The following VAT1L variants were observed in gnomAD, a reference collection of about 807,000 sequenced individuals.
VAT1L encodes the protein putative NADPH-dependent quinone oxidoreductase VAT1L.
VAT1L carries 34 observed loss-of-function variants against 44.1 expected under a neutral mutation model. The ratio of observed to expected loss-of-function variants is 0.77; its 90% CI spans 0.59 to 1.03. The LOEUF (loss-of-function observed/expected upper bound fraction) is 1.03, where lower values mean the gene tolerates loss of function less well. Among genes scored for constraint, VAT1L ranks in the 50% least tolerant of loss-of-function variants. The pLI, the probability that VAT1L is intolerant of heterozygous loss-of-function variation, is 0.00. For synonymous variants in VAT1L, 253 were observed against 202.2 expected (o/e 1.25, Z -2.13); for missense variants, 615 against 538.8 (o/e 1.14, Z -1.40).
At chr16:77,903,894 G>A (rs780454559) in intron 7 of VAT1L, among the ~76,000 whole-genome samples, 17 of 151,652 alleles carry the variant, frequency 1.1e-4, no homozygotes, top group Non-Finnish European at 2.4e-4. Flanking sequence ...CCACCACCAC[G>A]CCCAGCTAAT....
intron 7 of VAT1L, among the ~76,000 whole-genome samples, chr16:77,958,863 CT>C (rs1361658075): frequency 6.6e-6 from 1 of 152,192 alleles, no homozygotes; most frequent in Non-Finnish European, 1.5e-5. Context: ...AGTGTTCCTA[CT>C]AATAGCCCCT....
intron 3 of VAT1L, among the ~76,000 whole-genome samples, chr16:77,833,795 G>C (rs1391284673): frequency 6.6e-6 from 1 of 151,406 alleles, no homozygotes; most frequent in Non-Finnish European, 1.5e-5. Flanking sequence ...AGTGGGAATA[G>C]GCTTTCATGA....
At chr16:77,799,472 G>C (rs930227193) in intron 1 of VAT1L, among the ~76,000 whole-genome samples, 7 of 151,296 alleles carry the variant, frequency 4.6e-5, no homozygotes, top group African/African-American at 9.7e-5. Flanking sequence ...AAGAAGGTAA[G>C]CATCATGTCT....
intron 7 of VAT1L, among the ~76,000 whole-genome samples, chr16:77,891,923 T>C (rs2017270547): frequency 6.6e-6 from 1 of 152,056 alleles, no homozygotes; most frequent in African/African-American, 2.4e-5. Context: ...ATACAAAAAA[T>C]TAGCCCGGCA....
chr16:77,938,843 A>G (rs1597109373), intron 7 of VAT1L, among the ~76,000 whole-genome samples: 1 of 152,182 alleles, frequency 6.6e-6, no homozygotes, highest in Non-Finnish European at 1.5e-5. Flanking sequence ...TAAGCAATAA[A>G]CACAACAAAT....
intron 7 of VAT1L, among the ~76,000 whole-genome samples, chr16:77,901,864 C>A (rs2017387230): frequency 6.6e-6 from 1 of 152,150 alleles, no homozygotes; most frequent in African/African-American, 2.4e-5. Context: ...ATTTCAAGAA[C>A]AACTGTCAGT....
intron 7 of VAT1L, among the ~76,000 whole-genome samples, chr16:77,899,027 T>G (rs1379021776): frequency 1.3e-5 from 2 of 152,138 alleles, no homozygotes; most frequent in Admixed American, 6.5e-5. Flanking sequence ...CATGGACAAA[T>G]GACAAAGGAG....
chr16:77,900,915 A>G (rs17704372), intron 7 of VAT1L, among the ~76,000 whole-genome samples: 27,246 of 151,862 alleles, frequency 0.18, 2,833 homozygotes, highest in South Asian at 0.26. Flanking sequence ...GCATGTTATG[A>G]TGCTTTTCTA....
chr16:77,919,013 A>C (rs2017582147), intron 7 of VAT1L, among the ~76,000 whole-genome samples: 1 of 152,208 alleles, frequency 6.6e-6, no homozygotes, highest in Admixed American at 6.5e-5. Context: ...GTGGCTATGT[A>C]AACAGTGCTG....
chr16:77,972,194 C>G (rs1170735607), intron 8 of VAT1L, among the ~76,000 whole-genome samples: 1 of 152,198 alleles, frequency 6.6e-6, no homozygotes, highest in African/African-American at 2.4e-5. Context: ...AACAACAGAC[C>G]TGTCTATTAC....
chr16:77,892,861 C>T (rs1597086274), intron 7 of VAT1L: 2 of 1,036,496 alleles, frequency 1.9e-6, no homozygotes. Flanking sequence ...GCTTTGGGTC[C>T]AGGAATGGCA....
intron 3 of VAT1L, among the ~76,000 whole-genome samples, chr16:77,835,906 C>G (rs1283016144): frequency 6.6e-6 from 1 of 151,986 alleles, no homozygotes; most frequent in Non-Finnish European, 1.5e-5. Flanking sequence ...TCATTTAACC[C>G]TCCTAAAATC....
intron 1 of VAT1L, among the ~76,000 whole-genome samples, chr16:77,806,967 C>G (rs2016171800): frequency 6.6e-6 from 1 of 152,166 alleles, no homozygotes; most frequent in South Asian, 2.1e-4. Flanking sequence ...CTAAGGGATA[C>G]TTTCTGTGAG....
intron 8 of VAT1L, among the ~76,000 whole-genome samples, chr16:77,972,716 G>T (rs1231253936): frequency 6.6e-6 from 1 of 152,062 alleles, no homozygotes; most frequent in Admixed American, 6.6e-5. Context: ...GGGAGGCAGA[G>T]ATTGCAGTAA....
chr16:77,840,192 G>A (rs1254559654), intron 3 of VAT1L, among the ~76,000 whole-genome samples: 5 of 152,208 alleles, frequency 3.3e-5, no homozygotes, highest in Admixed American at 2.0e-4. Context: ...GAGATAAGAG[G>A]TAACAGAATC....
At chr16:77,930,241 C>A (rs1387405835) in intron 7 of VAT1L, among the ~76,000 whole-genome samples, 1 of 152,164 alleles carries the variant, frequency 6.6e-6, no homozygotes, top group Non-Finnish European at 1.5e-5. Flanking sequence ...CGACCCCTAG[C>A]CTGTATTGTC....
chr16:77,846,585 C>T (rs1246382882), intron 3 of VAT1L, among the ~76,000 whole-genome samples: 4 of 152,166 alleles, frequency 2.6e-5, no homozygotes, highest in Non-Finnish European at 5.9e-5. Flanking sequence ...AGTATACAGT[C>T]ATAGGTAAGA....
At chr16:77,967,945 G>C (rs1879605857) in intron 7 of VAT1L, among the ~76,000 whole-genome samples, 1 of 152,186 alleles carries the variant, frequency 6.6e-6, no homozygotes, top group Non-Finnish European at 1.5e-5. Flanking sequence ...TGGCAGCCCT[G>C]AGTGCCAACC....
intron 1 of VAT1L, among the ~76,000 whole-genome samples, chr16:77,811,180 G>C (rs2016257864): frequency 6.6e-6 from 1 of 152,218 alleles, no homozygotes; most frequent in Non-Finnish European, 1.5e-5. Flanking sequence ...GAACAGGATA[G>C]CAAGAGGCCT....
Sources: allele counts gnomAD v4.1 joint callset (sites outside exome capture counted in the v4.1 genomes callset), GRCh38; gene constraint gnomAD v4.1.1; transcripts MANE v1.5; gene names NCBI Gene and HGNC (gene_info 2026-07-23, HGNC 2026-07-21).